GHR: variants seen among roughly 807,000 people sequenced by gnomAD.
GHR encodes GH receptor.
In GHR, 35 loss-of-function variants were observed where a neutral mutation model predicts 67.1. The observed-to-expected ratio is 0.52, with a 90% CI of 0.40 to 0.69. The LOEUF is 0.69. Ranked by LOEUF, GHR falls within the 30% of genes least tolerant of loss-of-function variation. GHR has a pLI of 0.00. For missense variants in GHR, 792 were observed against 764.6 expected, an observed-to-expected ratio of 1.04 and a Z score of -0.42; for synonymous variants, 272 against 269.1, an observed-to-expected ratio of 1.01 and a Z score of -0.10.
Position 42,529,999 on chromosome 5 carries a change from CTTTTT to C in GHR, c.-11-35845_-11-35841del, listed in dbSNP as rs376534691. Among the ~76,000 whole-genome samples the C allele has an allele frequency of 2.6e-3, 151 of 57,590 alleles. 1 individual carries two copies. Among genetic ancestry groups the C allele is most frequent in the Admixed American group, 5.1e-3 (27 of 5,266 alleles). The allele number at this position is 57,590 out of a possible 152,430, so 37.8% of individuals were successfully genotyped here. A position where few individuals can be genotyped will look rare whatever the true frequency, so the allele number is the denominator to read the frequency against. ...AGAGTAAATCAGAAGTGAATCACTT[CTTTTT>C]TTTTTTTTTTTTTTTTTTTGCTTTG... is the stretch of plus-strand genomic sequence containing the variant. On this transcript the variant is annotated intron_variant, in intron 1 of 9. Transcript: ENST00000230882.
intron 1 of GHR, among the ~76,000 whole-genome samples, chr5:42,465,006 C>T (rs1269255509): frequency 6.6e-6 from 1 of 152,166 alleles, no homozygotes; most frequent in African/African-American, 2.4e-5. Context: ...AGTTTGTTTC[C>T]TATTGTCAAT....
In GHR at chr5:42,721,517, G is replaced by A. The variant is rs570456275; in HGVS notation, c.*2093G>A. On this transcript the variant is annotated 3_prime_UTR_variant, in exon 10 of 10. Coordinates refer to ENST00000230882, the MANE Select transcript of GHR (RefSeq NM_000163.5). ...TGTTTGATAGATTTTCTGCTACTTTGCTGCTATGGTTTTCTCCAAGAGCTA... is the reference window on the plus strand; with the variant it reads ...TGTTTGATAGATTTTCTGCTACTTTACTGCTATGGTTTTCTCCAAGAGCTA... The A allele has an allele frequency of 6.6e-6, 1 of 152,632 alleles. No individual in the cohort carries two copies. Among genetic ancestry groups the A allele is most frequent in the South Asian group, 2.1e-4 (1 of 4,822 alleles). The allele number at this position is 152,632 out of a possible 1,614,324, so 9.5% of individuals were successfully genotyped here.
At chr5:42,548,086 A>C (rs1293210428) in intron 1 of GHR, 1 of 985,346 alleles carries the variant, frequency 1.0e-6, no homozygotes, top group Non-Finnish European at 1.2e-6. Context: ...AATAGGCCTC[A>C]TGAGACTCCA....
At chr5:42,673,914 T>C (rs1180611106) in intron 3 of GHR, among the ~76,000 whole-genome samples, 1 of 152,146 alleles carries the variant, frequency 6.6e-6, no homozygotes, top group East Asian at 1.9e-4. Flanking sequence ...GTTCCCTGAA[T>C]CTAAAATAAA....
intron 1 of GHR, among the ~76,000 whole-genome samples, chr5:42,427,989 G>T (rs7716495): frequency 2.0e-5 from 3 of 152,062 alleles, no homozygotes; most frequent in East Asian, 1.9e-4. Flanking sequence ...ACCATTGGGG[G>T]TGCTGGGGAA....
At chr5:42,491,807 TG>T (rs1746129314) in intron 1 of GHR, among the ~76,000 whole-genome samples, 1 of 152,126 alleles carries the variant, frequency 6.6e-6, no homozygotes, top group South Asian at 2.1e-4. Context: ...GATTTGTGGG[TG>T]GGCCTTCACT....
At chr5:42,636,011 C>T (rs978313972) in intron 3 of GHR, among the ~76,000 whole-genome samples, 2 of 151,804 alleles carry the variant, frequency 1.3e-5, no homozygotes, top group African/African-American at 4.8e-5. Flanking sequence ...GAGATGGAGA[C>T]CATCATGGCT....
chr5:42,551,849 C>T (rs1663249145), intron 1 of GHR, among the ~76,000 whole-genome samples: 2 of 152,142 alleles, frequency 1.3e-5, no homozygotes, highest in Admixed American at 6.6e-5. Flanking sequence ...TTTTCTTCCT[C>T]ATTTGAGAGT....
chr5:42,619,977 G>T (rs1055470888), intron 2 of GHR, among the ~76,000 whole-genome samples: 1 of 152,130 alleles, frequency 6.6e-6, no homozygotes, highest in Non-Finnish European at 1.5e-5. Flanking sequence ...CACCACATAT[G>T]TCAGTATCCA....
chr5:42,566,322 C>T (rs1561127475), intron 2 of GHR, among the ~76,000 whole-genome samples: 1 of 152,164 alleles, frequency 6.6e-6, no homozygotes, highest in Non-Finnish European at 1.5e-5. Flanking sequence ...GATATCTAAT[C>T]TATTTCCAGA....
chr5:42,500,920 T>G (rs1746515464), intron 1 of GHR, among the ~76,000 whole-genome samples: 1 of 152,198 alleles, frequency 6.6e-6, no homozygotes, highest in Admixed American at 6.5e-5. Context: ...GAGGTACGTT[T>G]TAGAATAACT....
At chr5:42,521,164 G>A (rs1747456888) in intron 1 of GHR, among the ~76,000 whole-genome samples, 1 of 152,190 alleles carries the variant, frequency 6.6e-6, no homozygotes, top group Non-Finnish European at 1.5e-5. Context: ...GAGAAGCCAA[G>A]GGAATAGGAC....
At chr5:42,549,669 G>T in intron 1 of GHR, 5 of 985,286 alleles carry the variant, frequency 5.1e-6, no homozygotes, top group Non-Finnish European at 6.0e-6. Flanking sequence ...GGAAGAAAGG[G>T]GAGGTTTGTG....
intron 3 of GHR, among the ~76,000 whole-genome samples, chr5:42,631,106 C>T (rs6888313): frequency 8.9e-4 from 135 of 151,996 alleles, no homozygotes; most frequent in African/African-American, 3.1e-3. Context: ...TGCCCAAGGC[C>T]GTCAGATTCA....
intron 5 of GHR, among the ~76,000 whole-genome samples, chr5:42,698,223 T>C (rs1412916524): frequency 1.3e-5 from 2 of 152,222 alleles, no homozygotes; most frequent in Admixed American, 1.3e-4. Context: ...GAGGTCATTA[T>C]TATGCCTGTA....
chr5:42,596,660 T>C (rs962782999), intron 2 of GHR, among the ~76,000 whole-genome samples: 10 of 152,282 alleles, frequency 6.6e-5, no homozygotes, highest in African/African-American at 2.2e-4. Flanking sequence ...AGTTCAGTGT[T>C]TGTGGTTGCA....
rs4866949 is a variant in GHR at position 42,718,320 on chromosome 5, T to C, written c.946-133T>C. Reference sequence around the variant, plus strand: ...ATGTATTTAAAAAGTTACACACTAATTTATGTTTTTTTATATGTTTTGTTA... The same window carrying C: ...ATGTATTTAAAAAGTTACACACTAACTTATGTTTTTTTATATGTTTTGTTA... On this transcript the variant is annotated intron_variant, in intron 9 of 9. Transcript: ENST00000230882. 229,577 of 742,306 alleles carry C rather than the reference T, an allele frequency of 0.31. 35,732 individuals carry two copies. The highest frequency in any genetic ancestry group is 0.47 in the Admixed American group (19,138 of 40,490). 46.0% of individuals were successfully genotyped at this position (742,306 alleles called of 1,614,324 possible).
chr5:42,586,497 G>A (rs1751483324), intron 2 of GHR, among the ~76,000 whole-genome samples: 1 of 152,186 alleles, frequency 6.6e-6, no homozygotes, highest in Non-Finnish European at 1.5e-5. Flanking sequence ...TGATAAGATA[G>A]GACAGTTGGA....
At chr5:42,596,850 T>G (rs1752095754) in intron 2 of GHR, among the ~76,000 whole-genome samples, 1 of 152,152 alleles carries the variant, frequency 6.6e-6, no homozygotes, top group Admixed American at 6.5e-5. Flanking sequence ...AAAATAGTCC[T>G]TCACTCTCAG....
Sources: allele counts gnomAD v4.1 joint callset (sites outside exome capture counted in the v4.1 genomes callset), GRCh38; gene constraint gnomAD v4.1.1; transcripts MANE v1.5; gene names NCBI Gene and HGNC (gene_info 2026-07-23, HGNC 2026-07-21).